HBS1L: variants seen among roughly 807,000 people sequenced by gnomAD.
The protein encoded by HBS1L is HBS1-like protein.
HBS1L carries 55 observed loss-of-function variants against 88.9 expected under a neutral mutation model. The ratio of observed to expected loss-of-function variants is 0.62; its 90% confidence interval spans 0.50 to 0.77. The LOEUF (loss-of-function observed/expected upper bound fraction) is 0.77. Among genes scored for constraint, HBS1L ranks in the 30% least tolerant of loss-of-function variants. HBS1L has a pLI of 0.00. For missense variants in HBS1L, 741 were observed against 829.3 expected (o/e 0.89, Z 1.31); for synonymous variants, 267 against 288.5 (o/e 0.93, Z 0.76).
chr6:135,014,252 T>TA (rs1775853824), intron 4 of HBS1L, among the ~76,000 whole-genome samples: 1 of 152,166 alleles, frequency 6.6e-6, no homozygotes, highest in African/African-American at 2.4e-5. Flanking sequence ...AGCACAAAAT[T>TA]ACAACAGTCC....
intron 4 of HBS1L, among the ~76,000 whole-genome samples, chr6:135,006,330 G>A (rs1211693122): frequency 1.3e-5 from 2 of 152,186 alleles, no homozygotes; most frequent in East Asian, 1.9e-4. Flanking sequence ...AAATAAGGTA[G>A]TCAAAGAACT....
chr6:134,997,753 A>C (rs1775334027), intron 5 of HBS1L, 97 bp from the exon 6 acceptor site: 1 of 1,145,922 alleles, frequency 8.7e-7, no homozygotes, highest in African/African-American at 1.5e-5. Context: ...ATAATCCTTT[A>C]TGCTCCAGAC....
chr6:135,002,695 G>A (rs1432584437), intron 5 of HBS1L, 39 bp downstream of exon 5: 1 of 1,188,456 alleles, frequency 8.4e-7, no homozygotes, highest in Admixed American at 1.7e-5. Context: ...AAAAACTTGG[G>A]GGTGGGGGTG....
rs79444357 is a variant in HBS1L, at chr6:134,984,965, C to T, written c.1492+376G>A. Among the ~76,000 whole-genome samples, 145 of 151,958 alleles carry T rather than the reference C, an allele frequency of 9.5e-4. 2 individuals carry two copies. The East Asian group carries it at 0.023, about 25-fold the overall frequency. ...GAGAAAGAACAATACAACAGGGAAG[C>T]ACGGGTAGACATGTGGCAATAAACA... is the stretch of plus-strand genomic sequence containing the variant. On this transcript the variant is annotated intron_variant, in intron 12 of 17. Coordinates refer to ENST00000367837, the MANE Select transcript of HBS1L (RefSeq NM_006620.4).
intron 4 of HBS1L, among the ~76,000 whole-genome samples, chr6:135,010,744 TGA>T (rs1378093375): frequency 6.6e-6 from 1 of 152,146 alleles, no homozygotes; most frequent in Non-Finnish European, 1.5e-5. Flanking sequence ...AATGCCAAGT[TGA>T]TGTTGAAGTT....
intron 16 of HBS1L, among the ~76,000 whole-genome samples, chr6:134,966,935 A>T (rs568375474): frequency 6.6e-6 from 1 of 152,332 alleles, no homozygotes; most frequent in Non-Finnish European, 1.5e-5. Flanking sequence ...TGTATTAGGA[A>T]GTTATCTGTG....
intron 16 of HBS1L, 53 bp downstream of exon 16, chr6:134,969,185 T>C (rs1464966613): frequency 8.5e-7 from 1 of 1,171,222 alleles, no homozygotes; most frequent in African/African-American, 1.5e-5. Context: ...GAGTTAATCT[T>C]TAAAAAATTG....
chr6:135,039,573 C>G lies in HBS1L; in HGVS notation c.430G>C (p.Gly144Arg). Residue 144 changes from glycine to arginine, a missense_variant and splice_region_variant, in exon 4 of 18, where the codon GGA (glycine) becomes CGA (arginine). Coordinates refer to ENST00000367837, the MANE Select transcript of HBS1L (RefSeq NM_006620.4). ...ATVSTGKIAK[G>R]KPVDSQTSRS... ...TGAAAAAGAACAAGTAAAGGCATAC[C>G]TTTTGCTATCTTTCCTGTAGATACT... is the stretch of plus-strand genomic sequence containing the variant. The G allele has an allele frequency of 6.2e-7, 1 of 1,612,450 alleles. No individual in the cohort carries two copies. The highest frequency in any genetic ancestry group is 1.1e-5 in the South Asian group (1 of 90,764).
intron 4 of HBS1L, among the ~76,000 whole-genome samples, chr6:135,014,274 C>T (rs574318987): frequency 6.6e-5 from 10 of 152,304 alleles, no homozygotes; most frequent in African/African-American, 2.4e-4. Context: ...TAAAGGAACT[C>T]TGCTTCCTCC....
intron 4 of HBS1L, among the ~76,000 whole-genome samples, chr6:135,010,667 C>T (rs1775749291): frequency 6.6e-6 from 1 of 152,060 alleles, no homozygotes; most frequent in Non-Finnish European, 1.5e-5. Context: ...AGGTAAGTTT[C>T]AAGAGTACAT....
At chr6:134,968,948 C>G (rs751000531) in intron 16 of HBS1L, among the ~76,000 whole-genome samples, 1 of 152,082 alleles carries the variant, frequency 6.6e-6, no homozygotes, top group Non-Finnish European at 1.5e-5. Context: ...TAATCAGTAT[C>G]TATGGCTTGA....
intron 4 of HBS1L, among the ~76,000 whole-genome samples, chr6:135,007,939 G>A (rs78644069): frequency 0.016 from 2,447 of 152,176 alleles, 71 homozygotes; most frequent in African/African-American, 0.048. Flanking sequence ...GTCACCTTAC[G>A]GCTTAAGCAG....
chr6:134,984,774 T>C (rs539872202), intron 12 of HBS1L, among the ~76,000 whole-genome samples: 4 of 152,174 alleles, frequency 2.6e-5, no homozygotes, highest in Non-Finnish European at 4.4e-5. Context: ...CTCTTCTACG[T>C]TGGTCCTTCC....
chr6:134,994,354 A>C (rs1418524724), intron 7 of HBS1L, among the ~76,000 whole-genome samples: 2 of 152,146 alleles, frequency 1.3e-5, no homozygotes, highest in Non-Finnish European at 2.9e-5. Flanking sequence ...AAAACATAAG[A>C]TATCAAAGCA....
chr6:135,036,911 G>A (rs1161887562), intron 4 of HBS1L: 16 of 1,551,388 alleles, frequency 1.0e-5, no homozygotes, highest in South Asian at 4.8e-5. Flanking sequence ...ACTTTAGTTC[G>A]TGATGATGGA....
At chr6:135,029,241 A>G (rs987690) in intron 4 of HBS1L, among the ~76,000 whole-genome samples, 71,873 of 151,892 alleles carry the variant, frequency 0.47, 17,253 homozygotes, top group South Asian at 0.56. Flanking sequence ...ATATATACAA[A>G]TTCAAAATCT....
chr6:134,978,784 A>T lies in HBS1L; in HGVS notation c.1692T>A (p.Val564=). 1 of 1,593,828 alleles carries T rather than the reference A, an allele frequency of 6.3e-7. No homozygotes were observed. The highest frequency in any genetic ancestry group is 8.6e-7 in the Non-Finnish European group (1 of 1,167,146). ...CTTTGGGGCCACAAAATATGCAGCC[A>T]ACACTGTAAGAACAACAAAAAAAGA... ...LVGMDIIKIN[V]GCIFCGPKVP... is the part of the protein sequence containing the mutation. The change falls in exon 15 of 18, where the codon GTT becomes GTA. Residue 564 remains valine (V), a synonymous_variant. Coordinates refer to ENST00000367837, the MANE Select transcript of HBS1L (RefSeq NM_006620.4).
At chr6:135,046,420 T>C (rs1430678770) in intron 2 of HBS1L, among the ~76,000 whole-genome samples, 5 of 152,160 alleles carry the variant, frequency 3.3e-5, no homozygotes, top group Admixed American at 6.5e-5. Flanking sequence ...CAAAGATTAC[T>C]TCTAATCATA....
In HBS1L at chr6:134,982,477, A is replaced by G. The variant is rs1277339613; in HGVS notation, c.1578T>C (p.Asn526=). 1.2e-6 allele frequency: 2 copies of G among 1,605,408 alleles called. No individual in the cohort carries two copies. The highest frequency in any genetic ancestry group is 2.2e-5 in the East Asian group (1 of 44,780). The change falls in exon 13 of 18, where the codon AAT becomes AAC. Residue 526 remains asparagine, a synonymous_variant. Transcript: ENST00000367837. ...TGDRLLAMPP[N]ETCTVKGITL... Reference sequence around the variant, plus strand: ...AAATACCTTTCACGGTACAAGTTTCATTAGGAGGCATTGCCAGTAGTCGGT... The same window carrying G: ...AAATACCTTTCACGGTACAAGTTTCGTTAGGAGGCATTGCCAGTAGTCGGT...
Sources: allele counts gnomAD v4.1 joint callset (sites outside exome capture counted in the v4.1 genomes callset), GRCh38; gene constraint gnomAD v4.1.1; transcripts MANE v1.5; gene names NCBI Gene and HGNC (gene_info 2026-07-23, HGNC 2026-07-21).